The following NKAIN2 variants were observed in gnomAD, a reference collection of about 807,000 sequenced individuals.
The protein encoded by NKAIN2 is sodium/potassium-transporting ATPase subunit beta-1-interacting protein 2.
Under a neutral mutation model 32.6 loss-of-function variants are expected in NKAIN2, and 14 were observed. The observed-to-expected ratio is 0.43, with a 90% confidence interval of 0.28 to 0.67. The LOEUF is 0.67. Among genes scored for constraint, NKAIN2 ranks in the 30% least tolerant of loss-of-function variants. The probability of loss-of-function intolerance (pLI) is 0.17; values close to 1 mark genes in which losing one functional copy is unlikely to be tolerated. For missense variants in NKAIN2, 198 were observed against 258.3 expected (o/e 0.77, Z 1.60); for synonymous variants, 80 against 87.2 (o/e 0.92, Z 0.46).
intron 1 of NKAIN2, among the ~76,000 whole-genome samples, chr6:123,993,691 T>C (rs933122803): frequency 6.6e-6 from 1 of 152,196 alleles, no homozygotes; most frequent in African/African-American, 2.4e-5. Flanking sequence ...ACATTGCTTA[T>C]AAATTTTATT....
intron 4 of NKAIN2, among the ~76,000 whole-genome samples, chr6:124,776,492 A>G (rs1463594551): frequency 1.3e-5 from 2 of 152,202 alleles, no homozygotes; most frequent in Non-Finnish European, 1.5e-5. Context: ...GAGGAAGTAC[A>G]TCATCATTCC....
At chr6:124,147,074 T>C (rs1342487810) in intron 1 of NKAIN2, among the ~76,000 whole-genome samples, 1 of 152,184 alleles carries the variant, frequency 6.6e-6, no homozygotes, top group East Asian at 1.9e-4. Flanking sequence ...CAATTATGTG[T>C]TTTCTCTGGT....
chr6:124,391,384 G>T (rs1306824571), intron 3 of NKAIN2, among the ~76,000 whole-genome samples: 3 of 152,190 alleles, frequency 2.0e-5, no homozygotes, highest in Middle Eastern at 6.8e-3. Context: ...GTGGCAATTT[G>T]GTATGATAGG....
intron 1 of NKAIN2, among the ~76,000 whole-genome samples, chr6:123,993,069 G>A (rs1326081940): frequency 4.6e-5 from 7 of 152,040 alleles, no homozygotes; most frequent in Admixed American, 3.3e-4. Context: ...GGTGTTGTGA[G>A]GATTAAATAG....
chr6:124,199,753 A>G lies in NKAIN2; in HGVS notation c.55-83252A>G, dbSNP rs1009615881. Among the ~76,000 whole-genome samples, 22 of 152,182 alleles carry G rather than the reference A, an allele frequency of 1.4e-4. 1 individual carries two copies. The highest frequency in any genetic ancestry group is 6.5e-5 in the Admixed American group (1 of 15,268). ...CGATAACTAGAAAATAGGTAACAAG[A>G]AAATTAACTTGATGTTTTCAGTATA... is the stretch of plus-strand genomic sequence containing the variant. On this transcript the variant is annotated intron_variant, in intron 1 of 6. Transcript: ENST00000368417.
chr6:124,285,597 T>A (rs935842123), intron 2 of NKAIN2, among the ~76,000 whole-genome samples: 12 of 152,128 alleles, frequency 7.9e-5, no homozygotes, highest in African/African-American at 2.9e-4. Flanking sequence ...GTGTTTTAGG[T>A]TTAAGTATCA....
intron 3 of NKAIN2, among the ~76,000 whole-genome samples, chr6:124,629,327 GT>G (rs1783474554): frequency 6.6e-6 from 1 of 152,112 alleles, no homozygotes. Context: ...TTGCAATGCA[GT>G]TTTAGGTACT....
At chr6:123,811,895 G>A (rs1036128674) in intron 1 of NKAIN2, among the ~76,000 whole-genome samples, 2 of 151,632 alleles carry the variant, frequency 1.3e-5, no homozygotes, top group Admixed American at 6.6e-5. Flanking sequence ...TATGCTATGC[G>A]CCTGATATAC....
chr6:124,659,277 G>T (rs917437868), intron 4 of NKAIN2, among the ~76,000 whole-genome samples: 2 of 152,086 alleles, frequency 1.3e-5, no homozygotes, highest in African/African-American at 4.8e-5. Flanking sequence ...AACAAATGAT[G>T]CAAGCAGAAT....
At chr6:123,958,880 A>G (rs1777718176) in intron 1 of NKAIN2, among the ~76,000 whole-genome samples, 1 of 152,228 alleles carries the variant, frequency 6.6e-6, no homozygotes, top group African/African-American at 2.4e-5. Flanking sequence ...GAAGAAAAGA[A>G]AATGTTACTG....
At chr6:124,168,469 A>G (rs536557356) in intron 1 of NKAIN2, among the ~76,000 whole-genome samples, 1 of 152,294 alleles carries the variant, frequency 6.6e-6, no homozygotes, top group East Asian at 1.9e-4. Context: ...AAATATTAAA[A>G]TGACAGTTAT....
At chr6:124,778,784 GA>G (rs1481422981) in intron 4 of NKAIN2, among the ~76,000 whole-genome samples, 1 of 150,692 alleles carries the variant, frequency 6.6e-6, no homozygotes, top group South Asian at 2.1e-4. Flanking sequence ...CTGCTTAAAG[GA>G]AAAAAAAGAA....
intron 1 of NKAIN2, among the ~76,000 whole-genome samples, chr6:124,151,187 T>C (rs1787699910): frequency 6.6e-6 from 1 of 151,900 alleles, no homozygotes; most frequent in Non-Finnish European, 1.5e-5. Context: ...ACTTTTATCA[T>C]CTAGTATAAC....
At chr6:123,820,561 C>G (rs1009008813) in intron 1 of NKAIN2, among the ~76,000 whole-genome samples, 4 of 152,068 alleles carry the variant, frequency 2.6e-5, no homozygotes, top group Non-Finnish European at 5.9e-5. Context: ...CCTTTCCATG[C>G]TGACCATCCA....
At chr6:124,427,896 A>C (rs1775051571) in intron 3 of NKAIN2, among the ~76,000 whole-genome samples, 1 of 152,178 alleles carries the variant, frequency 6.6e-6, no homozygotes, top group African/African-American at 2.4e-5. Context: ...TTGGCAATCT[A>C]ACAATTTATT....
At chr6:124,392,358 A>C (rs940601855) in intron 3 of NKAIN2, among the ~76,000 whole-genome samples, 11 of 152,156 alleles carry the variant, frequency 7.2e-5, no homozygotes, top group African/African-American at 2.7e-4. Context: ...TTAACAAATA[A>C]ATGTCCTTTG....
intron 6 of NKAIN2, among the ~76,000 whole-genome samples, chr6:124,818,808 A>G (rs946852942): frequency 2.6e-5 from 4 of 152,120 alleles, no homozygotes; most frequent in African/African-American, 9.7e-5. Context: ...ATATAATTAT[A>G]TATAAACCAT....
chr6:124,823,064 G>T (rs1781455986), intron 6 of NKAIN2, among the ~76,000 whole-genome samples, 156 bp from the exon 7 acceptor site: 2 of 152,140 alleles, frequency 1.3e-5, no homozygotes, highest in Non-Finnish European at 2.9e-5. Flanking sequence ...TGAATAAAAA[G>T]AAAAGGAGGA....
chr6:124,569,488 T>C (rs759507993), intron 3 of NKAIN2, among the ~76,000 whole-genome samples: 7 of 152,208 alleles, frequency 4.6e-5, no homozygotes, highest in Non-Finnish European at 8.8e-5. Context: ...CTCCCAGAAT[T>C]CCCAGTTGTG....
Sources: gnomAD v4.1 joint callset for allele counts (sites outside exome capture counted in the v4.1 genomes callset) on GRCh38, gnomAD v4.1.1 for gene constraint, MANE v1.5 for transcripts, NCBI Gene and HGNC (gene_info 2026-07-23, HGNC 2026-07-21) for gene names.